HDAC9: variants seen among roughly 807,000 people sequenced by gnomAD.
HDAC9 encodes MEF-2 interacting transcription repressor (MITR) protein.
HDAC9 carries 41 observed loss-of-function variants against 139.4 expected under a neutral mutation model. That is an observed-to-expected ratio of 0.29 (90% CI 0.23 to 0.38). The LOEUF (loss-of-function observed/expected upper bound fraction) is 0.38. Among genes scored for constraint, HDAC9 ranks in the 10% least tolerant of loss-of-function variants. HDAC9 has a pLI of 1.00. For synonymous variants in HDAC9, 517 were observed against 476.2 expected, an observed-to-expected ratio of 1.09 and a Z score of -1.12; for missense variants, 1,147 against 1,297.0, an observed-to-expected ratio of 0.88 and a Z score of 1.78.
At chr7:18,276,357 A>G (rs1380978570) in intron 2 of HDAC9, among the ~76,000 whole-genome samples, 2 of 151,998 alleles carry the variant, frequency 1.3e-5, no homozygotes, top group African/African-American at 4.8e-5. Flanking sequence ...TACCCTTTAA[A>G]CTCTTATATG....
chr7:18,319,991 T>A (rs1369166445), intron 1 of HDAC9, among the ~76,000 whole-genome samples: 1 of 152,238 alleles, frequency 6.6e-6, no homozygotes, highest in African/African-American at 2.4e-5. Flanking sequence ...AATGTTAACC[T>A]TAACAATTCA....
chr7:18,698,998 T>C (rs572310603), intron 12 of HDAC9, among the ~76,000 whole-genome samples: 1 of 152,296 alleles, frequency 6.6e-6, no homozygotes, highest in South Asian at 2.1e-4. Flanking sequence ...GGGGAGATTA[T>C]AGCAATGCAC....
At chr7:18,616,645 T>C (rs1008867204) in intron 6 of HDAC9, among the ~76,000 whole-genome samples, 1 of 152,232 alleles carries the variant, frequency 6.6e-6, no homozygotes, top group Non-Finnish European at 1.5e-5. Context: ...ATAAAGGTTG[T>C]CTAAAGGTTA....
At chr7:18,308,711 A>G (rs537704677) in intron 1 of HDAC9, among the ~76,000 whole-genome samples, 219 of 152,156 alleles carry the variant, frequency 1.4e-3, no homozygotes, top group African/African-American at 4.7e-3. Context: ...ATATATATAT[A>G]TGTGTGTACG....
chr7:18,139,872 G>A lies in HDAC9; in HGVS notation c.-96-22357G>A, dbSNP rs890258648. Among the ~76,000 whole-genome samples the A allele has an allele frequency of 2.0e-5, 3 of 152,132 alleles. No individual in the cohort carries two copies. The East Asian group carries it at 5.8e-4, about 29-fold the overall frequency. On this transcript the variant is annotated intron_variant, in intron 1 of 12. Coordinates refer to the HDAC9 transcript ENST00000417496. The stretch of plus-strand genomic sequence containing the variant: ...GCCTCCGGAAGTTAGAGTCTTCAAG[G>A]AATGAATTATCTCCTAGAGCCTCTG...
At chr7:18,678,026 G>T (rs1024757581) in intron 12 of HDAC9, among the ~76,000 whole-genome samples, 1 of 151,788 alleles carries the variant, frequency 6.6e-6, no homozygotes, top group Non-Finnish European at 1.5e-5. Context: ...TACAGGATTC[G>T]ATTTTTCAGC....
chr7:18,745,697 C>A (rs1032526059), intron 13 of HDAC9, among the ~76,000 whole-genome samples: 1 of 151,030 alleles, frequency 6.6e-6, no homozygotes, highest in Non-Finnish European at 1.5e-5. Flanking sequence ...CAGGCGCCCG[C>A]CACCACGCCT....
At chr7:18,767,252 A>G (rs1789909641) in intron 16 of HDAC9, 97 bp downstream of exon 16, 1 of 634,848 alleles carries the variant, frequency 1.6e-6, no homozygotes, top group Non-Finnish European at 2.5e-6. Flanking sequence ...ATTTCTCAGT[A>G]AAAGTTATGC....
upstream of HDAC9, among the ~76,000 whole-genome samples, chr7:18,491,320 A>C (rs1796348249): frequency 6.6e-6 from 1 of 152,002 alleles, no homozygotes; most frequent in Non-Finnish European, 1.5e-5. Context: ...TATTTTTACA[A>C]GCAAAAACAC....
chr7:18,736,284 G>A (rs748598996), intron 13 of HDAC9, among the ~76,000 whole-genome samples: 2 of 152,198 alleles, frequency 1.3e-5, no homozygotes, highest in Non-Finnish European at 2.9e-5. Flanking sequence ...AAATAGGAAT[G>A]GTGAGAGAGG....
chr7:18,570,354 CAA>C (rs1563319946), intron 2 of HDAC9, among the ~76,000 whole-genome samples: 2 of 152,056 alleles, frequency 1.3e-5, no homozygotes, highest in South Asian at 4.1e-4. Flanking sequence ...TGAAAATACA[CAA>C]GTGTGTCAAA....
chr7:18,628,903 T>C (rs937448165), intron 6 of HDAC9, among the ~76,000 whole-genome samples: 29 of 152,298 alleles, frequency 1.9e-4, no homozygotes, highest in Admixed American at 1.2e-3. Context: ...TGTCTTCTTA[T>C]TACCACAAGC....
intron 17 of HDAC9, among the ~76,000 whole-genome samples, chr7:18,803,493 C>A (rs1297672575): frequency 1.3e-5 from 2 of 152,006 alleles, no homozygotes; most frequent in African/African-American, 4.8e-5. Context: ...CTGACGGTTT[C>A]TCAGTTTTTA....
At chr7:18,844,430 G>A (rs967463343) in intron 21 of HDAC9, among the ~76,000 whole-genome samples, 2 of 152,146 alleles carry the variant, frequency 1.3e-5, no homozygotes, top group African/African-American at 4.8e-5. Flanking sequence ...TTGTAAATCT[G>A]CATCTCAATT....
At chr7:18,321,918 ATG>A (rs1800059858) in intron 1 of HDAC9, among the ~76,000 whole-genome samples, 1 of 152,128 alleles carries the variant, frequency 6.6e-6, no homozygotes, top group African/African-American at 2.4e-5. Context: ...GCTTTCCATT[ATG>A]TATTCGCCTC....
chr7:18,210,934 A>G (rs1584656183), intron 2 of HDAC9, among the ~76,000 whole-genome samples: 1 of 152,254 alleles, frequency 6.6e-6, no homozygotes, highest in East Asian at 1.9e-4. Flanking sequence ...TGTAGAAATG[A>G]TGTCAAGGGT....
At chr7:18,572,000 AATG>A (rs1824458672) in intron 2 of HDAC9, among the ~76,000 whole-genome samples, 2 of 151,596 alleles carry the variant, frequency 1.3e-5, no homozygotes, top group Admixed American at 1.3e-4. Context: ...AATAGCACAT[AATG>A]ATGTACTTTT....
At chr7:18,935,398 G>T (rs1362203404) in intron 22 of HDAC9, among the ~76,000 whole-genome samples, 4 of 151,804 alleles carry the variant, frequency 2.6e-5, no homozygotes, top group African/African-American at 9.7e-5. Flanking sequence ...TAGCAATTTG[G>T]GGCATAGAAA....
intron 22 of HDAC9, among the ~76,000 whole-genome samples, chr7:18,907,718 C>A (rs188858738): frequency 6.6e-6 from 1 of 151,726 alleles, no homozygotes; most frequent in East Asian, 2.1e-4. Flanking sequence ...ACAAAACTCA[C>A]CAAAGGGCAA....
Sources: gnomAD v4.1 joint callset for allele counts (sites outside exome capture counted in the v4.1 genomes callset) on GRCh38, gnomAD v4.1.1 for gene constraint, MANE v1.5 for transcripts, NCBI Gene and HGNC (gene_info 2026-07-23, HGNC 2026-07-21) for gene names.